PDE4B: variants seen among roughly 807,000 people sequenced by gnomAD.
PDE4B encodes the protein phosphodiesterase 4B, also known as 3',5'-cyclic-AMP phosphodiesterase 4B.
Under a neutral mutation model 82.2 loss-of-function variants are expected in PDE4B, and 20 were observed. That is an observed-to-expected ratio of 0.24 (90% CI 0.17 to 0.35). The LOEUF (loss-of-function observed/expected upper bound fraction) is 0.35, where lower values mean the gene tolerates loss of function less well. Ranked by LOEUF, PDE4B falls within the 10% of genes least tolerant of loss-of-function variation. The pLI is 1.00. For missense variants in PDE4B, 655 were observed against 907.2 expected (o/e 0.72, Z 3.57); for synonymous variants, 320 against 318.9 (o/e 1.00, Z -0.04).
chr1:66,253,081 A>G (rs774048234), intron 4 of PDE4B, among the ~76,000 whole-genome samples: 10 of 152,250 alleles, frequency 6.6e-5, no homozygotes, highest in Non-Finnish European at 1.3e-4. Context: ...ACTGTTATCA[A>G]GAGTTGTACA....
chr1:65,980,313 A>G (rs553932085), intron 3 of PDE4B, among the ~76,000 whole-genome samples: 133 of 152,320 alleles, frequency 8.7e-4, no homozygotes, highest in South Asian at 2.9e-3. Context: ...TGTTTTATAC[A>G]TAATGTACTG....
intron 3 of PDE4B, among the ~76,000 whole-genome samples, chr1:66,190,688 A>G (rs936188211): frequency 6.6e-6 from 1 of 152,154 alleles, no homozygotes; most frequent in Admixed American, 6.5e-5. Context: ...CCATTGGAAG[A>G]GTGCAGTATT....
chr1:65,926,848 A>G (rs1218207530), intron 3 of PDE4B, among the ~76,000 whole-genome samples: 3 of 152,172 alleles, frequency 2.0e-5, no homozygotes, highest in Non-Finnish European at 4.4e-5. Context: ...AAAGACAAAG[A>G]AAAATCTCTA....
intron 1 of PDE4B, among the ~76,000 whole-genome samples, chr1:65,911,057 A>C (rs1466950478): frequency 6.6e-6 from 1 of 152,166 alleles, no homozygotes; most frequent in Non-Finnish European, 1.5e-5. Flanking sequence ...CCGAGTCAGG[A>C]CATGTGTCCG....
rs377548038 is a variant in PDE4B, at chr1:66,129,458, C to A, written c.282-118002C>A. Among the ~76,000 whole-genome samples the A allele has an allele frequency of 3.9e-4, 59 of 151,374 alleles. 2 individuals carry two copies. The East Asian group carries it at 9.1e-3, about 23-fold the overall frequency. ...GGATCACGAGGTCAGGAGATCGAGA[C>A]CATCCCGGCTAAAACGGTGAAACCC... On this transcript the variant is annotated intron_variant, in intron 3 of 16. Transcript: ENST00000341517.
At chr1:66,368,429 C>T (rs1176967669) in intron 15 of PDE4B, among the ~76,000 whole-genome samples, 1 of 152,222 alleles carries the variant, frequency 6.6e-6, no homozygotes, top group Non-Finnish European at 1.5e-5. Context: ...CTGTTCTCCT[C>T]TTTCCACAAG....
intron 3 of PDE4B, among the ~76,000 whole-genome samples, chr1:66,020,165 C>T (rs17128245): frequency 0.018 from 2,734 of 152,286 alleles, 85 homozygotes; most frequent in African/African-American, 0.063. Flanking sequence ...CCAGGAAATT[C>T]TGTTGCTGGT....
chr1:66,033,208 T>C (rs1653886792), intron 3 of PDE4B, among the ~76,000 whole-genome samples: 5 of 152,204 alleles, frequency 3.3e-5, no homozygotes, highest in Non-Finnish European at 5.9e-5. Flanking sequence ...TAGTGCCTTC[T>C]ATCCCTAGAA....
chr1:66,122,190 G>A (rs1645722838), intron 3 of PDE4B, among the ~76,000 whole-genome samples: 1 of 152,106 alleles, frequency 6.6e-6, no homozygotes, highest in African/African-American at 2.4e-5. Context: ...CTGCAAAATG[G>A]GATCATGATA....
intron 7 of PDE4B, among the ~76,000 whole-genome samples, chr1:66,299,277 T>C (rs1339041314): frequency 6.6e-6 from 1 of 152,172 alleles, no homozygotes; most frequent in African/African-American, 2.4e-5. Context: ...CTCTCTATTA[T>C]GAGCTCAATG....
chr1:66,088,340 C>T (rs1208733125), intron 3 of PDE4B, among the ~76,000 whole-genome samples: 1 of 151,944 alleles, frequency 6.6e-6, no homozygotes, highest in Admixed American at 6.6e-5. Context: ...TCTGAGTATC[C>T]AACTGGAGAT....
chr1:65,951,854 G>A (rs912324647), intron 3 of PDE4B, among the ~76,000 whole-genome samples: 1 of 151,976 alleles, frequency 6.6e-6, no homozygotes, highest in Non-Finnish European at 1.5e-5. Context: ...AAAATTCCAA[G>A]TATAATTCTA....
At chr1:66,277,192 C>G (rs1043783396) in intron 7 of PDE4B, among the ~76,000 whole-genome samples, 2 of 151,894 alleles carry the variant, frequency 1.3e-5, no homozygotes, top group East Asian at 3.9e-4. Context: ...GATGCCACAG[C>G]CAGAGAACTG....
At chr1:66,065,221 A>T (rs1408175639) in intron 3 of PDE4B, among the ~76,000 whole-genome samples, 1 of 151,952 alleles carries the variant, frequency 6.6e-6, no homozygotes, top group Non-Finnish European at 1.5e-5. Context: ...CTTAGTTAAC[A>T]TCAATCTTTA....
intron 3 of PDE4B, among the ~76,000 whole-genome samples, chr1:66,208,410 G>A (rs575916245): frequency 1.3e-5 from 2 of 152,286 alleles, no homozygotes; most frequent in East Asian, 3.9e-4. Context: ...CTAGCTAACT[G>A]TTCTAGCTAC....
intron 3 of PDE4B, among the ~76,000 whole-genome samples, chr1:65,976,653 C>T (rs1650424365): frequency 6.6e-6 from 1 of 152,036 alleles, no homozygotes; most frequent in Admixed American, 6.6e-5. Flanking sequence ...GGGCAGATTT[C>T]CCCTTGGTGT....
At chr1:66,168,860 A>G (rs1184820838) in intron 3 of PDE4B, among the ~76,000 whole-genome samples, 1 of 152,200 alleles carries the variant, frequency 6.6e-6, no homozygotes, top group African/African-American at 2.4e-5. Flanking sequence ...TGTTCCTACT[A>G]TTGCACAAAA....
At chr1:66,305,897 A>G (rs902702311) in intron 7 of PDE4B, among the ~76,000 whole-genome samples, 5 of 152,156 alleles carry the variant, frequency 3.3e-5, no homozygotes, top group Non-Finnish European at 7.4e-5. Flanking sequence ...CAAGTATAGT[A>G]GGAGAAATTA....
At chr1:65,928,131 A>G (rs1647610553) in intron 3 of PDE4B, among the ~76,000 whole-genome samples, 1 of 151,212 alleles carries the variant, frequency 6.6e-6, no homozygotes, top group Non-Finnish European at 1.5e-5. Flanking sequence ...TTGGGGAAGG[A>G]TGGGAGAAAG....
Sources: allele counts gnomAD v4.1 joint callset (sites outside exome capture counted in the v4.1 genomes callset), GRCh38; gene constraint gnomAD v4.1.1; transcripts MANE v1.5; gene names NCBI Gene and HGNC (gene_info 2026-07-23, HGNC 2026-07-21).